Variants in VPS4A observed in about 807,000 individuals in gnomAD.
VPS4A encodes vacuolar protein sorting-associated protein 4A.
A neutral mutation model predicts 52.3 loss-of-function variants in VPS4A; 20 were observed. The ratio of observed to expected loss-of-function variants is 0.38; its 90% CI spans 0.27 to 0.56. VPS4A has a LOEUF of 0.56. VPS4A is among the 20% of genes least tolerant of loss of function. VPS4A has a pLI of 0.72. For missense variants in VPS4A, 419 were observed against 575.9 expected (o/e 0.73, Z 2.79); for synonymous variants, 293 against 227.7 (o/e 1.29, Z -2.58).
At position 69,324,442 on chromosome 16, in the gene VPS4A, G is replaced by A. The variant is rs573241189; in HGVS notation, c.*133G>A. ...ACAGAGTTCCCTCTGCTGTCTGGCC[G>A]TCTGCCAGGGAGCCAGAAGGAAGGG... On this transcript the variant is annotated 3_prime_UTR_variant, in exon 11 of 11. Transcript: ENST00000254950. The A allele has an allele frequency of 1.3e-4, 126 of 981,602 alleles. No individual in the cohort carries two copies. In the African/African-American group the frequency reaches 1.6e-3, roughly 12 times the overall value. The allele number at this position is 981,602 out of a possible 1,614,324, so 60.8% of individuals were successfully genotyped here. A position where few individuals can be genotyped will look rare whatever the true frequency, so the allele number is the denominator to read the frequency against.
intron 5 of VPS4A, 141 bp downstream of exon 5, chr16:69,319,083 C>A: frequency 7.8e-7 from 1 of 1,288,024 alleles, no homozygotes; most frequent in Non-Finnish European, 1.1e-6. Context: ...CTGGTGTCCA[C>A]AACACTGCTG....
At position 69,320,443 on chromosome 16, in the gene VPS4A, A is replaced by G. The variant is rs1965496757; in HGVS notation, c.769+154A>G. 3.5e-6 allele frequency: 4 copies of G among 1,148,620 alleles called. No homozygotes were observed. The highest frequency in any genetic ancestry group is 5.5e-5 in the Admixed American group (2 of 36,644). 71.2% of individuals were successfully genotyped at this position (1,148,620 alleles called of 1,614,324 possible). The stretch of plus-strand genomic sequence containing the variant: ...AGGGCACGGGTGGACTTCAATTCCC[A>G]AGAGGTGCCTGAGGCCTCTGCCTCA... On this transcript the variant is annotated intron_variant, in intron 7 of 10. Transcript: ENST00000254950. The surrounding 1 kb of genome is among the most constrained non-coding windows in gnomAD (Gnocchi z 4.2).
At position 69,319,400 on chromosome 16, in the gene VPS4A, C is replaced by T. The variant is rs760727721; in HGVS notation, c.477C>T (p.Pro159=). 6.2e-7 allele frequency: 1 copy of T among 1,613,968 alleles called. No individual in the cohort carries two copies. Among genetic ancestry groups the T allele is most frequent in the Non-Finnish European group, 8.5e-7 (1 of 1,179,842 alleles). ...FPHLFTGKRT[P]WRGILLFGPP... The stretch of plus-strand genomic sequence containing the variant: ...TCTCTGTTGCAGGCAAGCGCACCCC[C>T]TGGCGGGGGATTCTGCTGTTCGGAC... The change falls in exon 6 of 11, where the codon CCC becomes CCT. Residue 159 remains proline, a synonymous_variant. Transcript: ENST00000254950.
At position 69,318,607 on chromosome 16, in the gene VPS4A, C is replaced by T. The variant is rs1389285995; in HGVS notation, c.282-43C>T. 3.2e-6 allele frequency: 5 copies of T among 1,577,060 alleles called. No homozygotes were observed. In the African/African-American group the frequency reaches 4.1e-5, roughly 13 times the overall value. The stretch of plus-strand genomic sequence containing the variant: ...ACTTGCTGGGAGCACCTCTGTGCTC[C>T]AGGCTGAAGGGCCAGCTTGTGACTT... On this transcript the variant is annotated intron_variant, in intron 3 of 10. Transcript: ENST00000254950.
intron 10 of VPS4A, among the ~76,000 whole-genome samples, chr16:69,323,965 A>AAAG (rs1567425664): frequency 6.6e-6 from 1 of 150,996 alleles, no homozygotes; most frequent in Non-Finnish European, 1.5e-5. Flanking sequence ...AAAAAAAAAA[A>AAAG]GAAAGCAAGT....
At position 69,317,100 on chromosome 16, in the gene VPS4A, C is replaced by T. The variant is rs537584173; in HGVS notation, c.281+728C>T. On this transcript the variant is annotated intron_variant, in intron 3 of 10. Transcript: ENST00000254950. ...AGCTGCCTCACCAGAGGCGAGGCCT[C>T]CTCCTGGATGGAGGGTCTGCACCAC... Among the ~76,000 whole-genome samples the T allele has an allele frequency of 7.2e-5, 11 of 152,252 alleles. No individual in the cohort carries two copies. The South Asian group carries it at 2.1e-3, about 29-fold the overall frequency.
intron 1 of VPS4A, among the ~76,000 whole-genome samples, chr16:69,315,641 G>A (rs1178371964): frequency 6.6e-6 from 1 of 152,164 alleles, no homozygotes; most frequent in East Asian, 1.9e-4. Context: ...TTGCTCCCGC[G>A]TGTCCCTTCT....
intron 5 of VPS4A, among the ~76,000 whole-genome samples, chr16:69,319,179 A>C (rs1354895087): frequency 6.7e-6 from 1 of 150,156 alleles, no homozygotes; most frequent in Non-Finnish European, 1.5e-5. Flanking sequence ...GTGCAAGGTC[A>C]TGGGGTCATA....
intron 1 of VPS4A, among the ~76,000 whole-genome samples, chr16:69,315,668 G>A (rs1266049124): frequency 1.3e-5 from 2 of 152,116 alleles, no homozygotes; most frequent in African/African-American, 2.4e-5. Context: ...CTCTCAGCTC[G>A]GGTCTGTTTC....
In VPS4A at chr16:69,320,123, C is replaced by G. The variant is rs753249002; in HGVS notation, c.621-18C>G. ...GGACGTGAACGTCTTGTCCTCACCCCCTTTCTCACCTTCACAGGCTGGTCA... is the reference window on the plus strand; with the variant it reads ...GGACGTGAACGTCTTGTCCTCACCCGCTTTCTCACCTTCACAGGCTGGTCA... On this transcript the variant is annotated intron_variant, in intron 6 of 10. Transcript: ENST00000254950. The surrounding 1 kb of genome is among the most constrained non-coding windows in gnomAD (Gnocchi z 4.2). 2.9e-5 allele frequency: 47 copies of G among 1,609,528 alleles called. No individual in the cohort carries two copies. The Admixed American group carries it at 7.2e-4, about 25-fold the overall frequency.
intron 6 of VPS4A, among the ~76,000 whole-genome samples, chr16:69,319,820 G>C (rs1018775211): frequency 1.8e-4 from 28 of 152,300 alleles, no homozygotes; most frequent in African/African-American, 6.3e-4. Context: ...GGCAGTGTGT[G>C]GGGGACATGG....
chr16:69,321,295 G>A lies in VPS4A; in HGVS notation c.1071+25G>A. 6.5e-7 allele frequency: 1 copy of A among 1,544,848 alleles called. No individual in the cohort carries two copies. The highest frequency in any genetic ancestry group is 8.7e-7 in the Non-Finnish European group (1 of 1,143,288). Reference sequence around the variant, plus strand: ...GGTGAGTGCCCGCGGCCACTGCTGAGAAAAATCTCATAGTAAGAGCGGGAT... The same window carrying A: ...GGTGAGTGCCCGCGGCCACTGCTGAAAAAAATCTCATAGTAAGAGCGGGAT... On this transcript the variant is annotated intron_variant, in intron 9 of 10. Coordinates refer to ENST00000254950, the MANE Select transcript of VPS4A (RefSeq NM_013245.3). This position sits in a 1 kb window ranked among gnomAD's most constrained non-coding sequence, Gnocchi z 4.5.
intron 10 of VPS4A, chr16:69,323,539 C>A (rs996628147): frequency 1.7e-5 from 7 of 423,076 alleles, no homozygotes; most frequent in African/African-American, 6.1e-5. Context: ...TGCAGTGAGG[C>A]AGTGAATGTG....
chr16:69,315,563 C>G (rs896104959), intron 1 of VPS4A, among the ~76,000 whole-genome samples: 1 of 152,234 alleles, frequency 6.6e-6, no homozygotes, highest in Admixed American at 6.5e-5. Context: ...TTCCTTCTGG[C>G]TGGCTCTTCT....
rs762481982 is a variant in VPS4A, at chr16:69,320,758, C to T, written c.840C>T (p.Ala280=). ...ACATCCCATGGGTGTTGGATTCGGC[C>T]ATCAGGAGGAGGTGAGTCTTCCCCA... The part of the protein sequence containing the change: ...ATNIPWVLDS[A]IRRRFEKRIY... Residue 280 remains alanine (A), a synonymous_variant, in exon 8 of 11, where the codon GCC becomes GCT. Transcript: ENST00000254950. The surrounding 1 kb of genome is among the most constrained non-coding windows in gnomAD (Gnocchi z 4.2). 1.6e-5 allele frequency: 25 copies of T among 1,606,208 alleles called. No individual in the cohort carries two copies. Among genetic ancestry groups the T allele is most frequent in the Non-Finnish European group, 1.7e-6 (2 of 1,176,510 alleles).
intron 3 of VPS4A, among the ~76,000 whole-genome samples, chr16:69,317,970 AAAAAAG>A (rs1965459295): frequency 6.7e-6 from 1 of 150,170 alleles, no homozygotes; most frequent in African/African-American, 2.4e-5. Flanking sequence ...AAAAAAAAAA[AAAAAAG>A]AAGCTTCTGG....
In VPS4A at chr16:69,320,886, T is replaced by A. The variant is rs62057889; in HGVS notation, c.851+117T>A. 5.6e-5 allele frequency: 71 copies of A among 1,269,984 alleles called. No individual in the cohort carries two copies. The highest frequency in any genetic ancestry group is 7.6e-5 in the Non-Finnish European group (69 of 906,380). 78.7% of individuals were successfully genotyped at this position (1,269,984 alleles called of 1,614,324 possible). A position where few individuals can be genotyped will look rare whatever the true frequency, so the allele number is the denominator to read the frequency against. ...CCCTTTTCCCTGGAGTCTTCCCGTC[T>A]GCCTGCCAAGCAGAGCCCTTTGTGA... is the stretch of plus-strand genomic sequence containing the variant. On this transcript the variant is annotated intron_variant, in intron 8 of 10. Transcript: ENST00000254950. This position sits in a 1 kb window ranked among gnomAD's most constrained non-coding sequence, Gnocchi z 4.2.
chr16:69,323,813 G>C lies in VPS4A; in HGVS notation c.1213-395G>C, dbSNP rs977039263. 6 of 376,522 alleles carry C rather than the reference G, an allele frequency of 1.6e-5. No individual in the cohort carries two copies. In the Admixed American group the frequency reaches 2.0e-4, roughly 12 times the overall value. 23.3% of individuals were successfully genotyped at this position (376,522 alleles called of 1,614,324 possible). A position where few individuals can be genotyped will look rare whatever the true frequency, so the allele number is the denominator to read the frequency against. On this transcript the variant is annotated intron_variant, in intron 10 of 10. Transcript: ENST00000254950. ...AAAAATACAAAAATCAGCCATGTGTGGTGGCACGTGCCTGTAGTCCCAGCT... is the reference window on the plus strand; with the variant it reads ...AAAAATACAAAAATCAGCCATGTGTCGTGGCACGTGCCTGTAGTCCCAGCT...
intron 1 of VPS4A, among the ~76,000 whole-genome samples, chr16:69,315,023 C>T (rs575396250): frequency 6.6e-6 from 1 of 152,154 alleles, no homozygotes; most frequent in East Asian, 1.9e-4. Context: ...CACTTGATGT[C>T]AGGAGTTCGA....
Sources: allele counts gnomAD v4.1 joint callset (sites outside exome capture counted in the v4.1 genomes callset), GRCh38; gene constraint gnomAD v4.1.1; non-coding constraint Gnocchi (gnomAD v3.1); transcripts MANE v1.5; gene names NCBI Gene and HGNC (gene_info 2026-07-23, HGNC 2026-07-21).